ITIH1: variants seen among roughly 807,000 people sequenced by gnomAD.
ITIH1 encodes inter-alpha-trypsin inhibitor heavy chain 1.
In ITIH1, 94 loss-of-function variants were observed where a neutral mutation model predicts 104.6. The observed-to-expected ratio is 0.90, with a 90% CI of 0.76 to 1.07. The LOEUF (loss-of-function observed/expected upper bound fraction) is 1.07. ITIH1 is among the 50% of genes least tolerant of loss of function. ITIH1 has a pLI of 0.00. For synonymous variants in ITIH1, 455 were observed against 464.4 expected (o/e 0.98, Z 0.26); for missense variants, 1,193 against 1,181.4 (o/e 1.01, Z -0.14).
intron 16 of ITIH1, 111 bp from the exon 17 acceptor site, chr3:52,787,874 CT>C: frequency 9.1e-7 from 1 of 1,094,540 alleles, no homozygotes; most frequent in South Asian, 1.2e-5. Flanking sequence ...GACATCCCTG[CT>C]TGGTGGCCTC....
rs144262032 is a variant in ITIH1, at chr3:52,784,403, G to C, written c.1333G>C (p.Glu445Gln). Residue 445 changes from glutamate to glutamine, a missense_variant, in exon 11 of 22, where the codon GAG (glutamate) becomes CAG (glutamine). Coordinates refer to ENST00000273283, the MANE Select transcript of ITIH1 (RefSeq NM_002215.4). ...CCACAATGTGGACTTTAACTTTCTG[G>C]AGGTCATGTCCATGGAGAACAACGG... ...FGHNVDFNFL[E>Q]VMSMENNGRA... 4.9e-4 allele frequency: 796 copies of C among 1,614,048 alleles called. 1 individual carries two copies. The highest frequency in any genetic ancestry group is 6.5e-4 in the Non-Finnish European group (766 of 1,180,020).
chr3:52,783,599 G>T (rs1220154285), intron 10 of ITIH1, among the ~76,000 whole-genome samples: 1 of 152,198 alleles, frequency 6.6e-6, no homozygotes, highest in African/African-American at 2.4e-5. Flanking sequence ...AGATGGGCAA[G>T]ATTCCATGCT....
At chr3:52,784,704 G>A (rs1699155057) in intron 11 of ITIH1, among the ~76,000 whole-genome samples, 2 of 152,102 alleles carry the variant, frequency 1.3e-5, no homozygotes, top group Non-Finnish European at 2.9e-5. Flanking sequence ...GTGAAACCCC[G>A]TCTCTACTGA....
At chr3:52,780,221 A>G (rs766052108) in intron 5 of ITIH1, 48 bp from the exon 6 acceptor site, 1 of 1,454,554 alleles carries the variant, frequency 6.9e-7, no homozygotes, top group East Asian at 2.4e-5. Context: ...GCAACAAAGC[A>G]AGATCCCATC....
At position 52,786,381 on chromosome 3, in the gene ITIH1, C is replaced by T. The variant is rs772087200; in HGVS notation, c.1680C>T (p.Asn560=). 1.0e-5 allele frequency: 16 copies of T among 1,584,464 alleles called. No homozygotes were observed. The highest frequency in any genetic ancestry group is 1.4e-5 in the Non-Finnish European group (16 of 1,164,864). The change falls in exon 13 of 22, where the codon AAC becomes AAT. Residue 560 remains asparagine (N), a synonymous_variant. Coordinates refer to ENST00000273283, the MANE Select transcript of ITIH1 (RefSeq NM_002215.4). ...GAGAGCGTGGCCACATGCTGGAGAA[C>T]CACGTCGAGCGCCTCTGGGCCTACC... ...LLRERGHMLE[N]HVERLWAYLT...
In ITIH1 at chr3:52,782,171, C is replaced by T. The variant is rs1200425699; in HGVS notation, c.834C>T (p.Ala278=). The T allele has an allele frequency of 6.2e-7, 1 of 1,614,150 alleles. No individual in the cohort carries two copies. Among genetic ancestry groups the T allele is most frequent in the African/African-American group, 1.3e-5 (1 of 75,046 alleles). ...TTCAGGTGGCCAATAACCACTTTGC[C>T]CACTTCTTTGCCCCCCAAAACCTGA... ...CDLLVANNHF[A]HFFAPQNLTN... The change falls in exon 8 of 22, where the codon GCC becomes GCT. Residue 278 remains alanine, a synonymous_variant. Transcript: ENST00000273283.
At position 52,785,024 on chromosome 3, in the gene ITIH1, T is replaced by A. The variant is rs142436683; in HGVS notation, c.1408-20T>A. 1.9e-4 allele frequency: 311 copies of A among 1,613,322 alleles called. 3 individuals carry two copies. In the African/African-American group the frequency reaches 3.4e-3, roughly 18 times the overall value. The stretch of plus-strand genomic sequence containing the variant: ...AGCCCAGGGTGCTCAGCTCTAAGGC[T>A]GCAACCTCTATCCCTGCAGGGTTTC... On this transcript the variant is annotated intron_variant, in intron 11 of 21. Coordinates refer to ENST00000273283, the MANE Select transcript of ITIH1 (RefSeq NM_002215.4).
chr3:52,785,161 A>G lies in ITIH1; in HGVS notation c.1525A>G (p.Ile509Val). 2 of 1,614,092 alleles carry G rather than the reference A, an allele frequency of 1.2e-6. No individual in the cohort carries two copies. The highest frequency in any genetic ancestry group is 8.5e-7 in the Non-Finnish European group (1 of 1,180,014). ...HHKQYYEGSE[I>V]VVAGRIADNK... ...TAAACAGTACTACGAAGGCTCAGAG[A>G]TTGTGGTGGCCGGGCGCATTGCTGA... is the stretch of plus-strand genomic sequence containing the variant. The change falls in exon 12 of 22, where the codon ATT becomes GTT. Residue 509 changes from isoleucine (I) to valine (V), a missense_variant. Transcript: ENST00000273283.
In ITIH1 at chr3:52,779,039, C is replaced by T. The variant is rs775568221; in HGVS notation, c.403C>T (p.Leu135Phe). 5 of 1,610,974 alleles carry T rather than the reference C, an allele frequency of 3.1e-6. No homozygotes were observed. The South Asian group carries it at 5.5e-5, about 18-fold the overall frequency. The change falls in exon 4 of 22, where the codon CTT becomes TTT. Residue 135 changes from leucine (L) to phenylalanine (F), a missense_variant. Coordinates refer to ENST00000273283, the MANE Select transcript of ITIH1 (RefSeq NM_002215.4). This position sits in a 1 kb window ranked among gnomAD's most constrained non-coding sequence, Gnocchi z 4.4. ...KAAISGENAG[L>F]VRASGRTMEQ... ...AGCTATCTCAGGAGAGAATGCCGGC[C>T]TTGTCAGGTGAGTTCTGGGCCTGCT...
intron 10 of ITIH1, among the ~76,000 whole-genome samples, chr3:52,784,066 G>T (rs966215442): frequency 2.0e-5 from 3 of 152,202 alleles, no homozygotes; most frequent in African/African-American, 7.2e-5. Flanking sequence ...AGCAGAATCA[G>T]ACCTGCTGGT....
chr3:52,786,470 C>G, intron 13 of ITIH1, 36 bp downstream of exon 13: 2 of 1,551,612 alleles, frequency 1.3e-6, no homozygotes, highest in Admixed American at 1.9e-5. Context: ...TGGGCACTGC[C>G]CACCCCAGAG....
intron 19 of ITIH1, chr3:52,790,072 C>T (rs1354575945): frequency 2.9e-5 from 17 of 586,826 alleles, no homozygotes; most frequent in Middle Eastern, 4.6e-4. Flanking sequence ...GTGCTCCCAC[C>T]GCACCTTAGC....
intron 19 of ITIH1, chr3:52,790,262 T>G (rs1699318360): frequency 1.8e-5 from 5 of 272,622 alleles, no homozygotes. Flanking sequence ...CTTCCTTTAC[T>G]AATTCGTTCA....
rs956988563 is a variant in ITIH1, at chr3:52,786,240, G to C, written c.1594-55G>C. On this transcript the variant is annotated intron_variant, in intron 12 of 21. Transcript: ENST00000273283. The stretch of plus-strand genomic sequence containing the variant: ...GGGCCCCTCAGAGCCCCTAGCACCA[G>C]CCAGGGGCCGTGCTTATCATGGTGC... 7.1e-6 allele frequency: 11 copies of C among 1,539,720 alleles called. No individual in the cohort carries two copies. The African/African-American group carries it at 1.2e-4, about 17-fold the overall frequency.
rs747435947 is a variant in ITIH1 at position 52,791,762 on chromosome 3, G to A, written c.2607-20G>A. On this transcript the variant is annotated intron_variant, in intron 21 of 21. Coordinates refer to ENST00000273283, the MANE Select transcript of ITIH1 (RefSeq NM_002215.4). ...CCTACTGGTCCGAAGGGTGACCCCA[G>A]CTGACTTGTCTCTGCACAGGGGTTT... 1.9e-6 allele frequency: 3 copies of A among 1,608,862 alleles called. No individual in the cohort carries two copies. Among genetic ancestry groups the A allele is most frequent in the Non-Finnish European group, 8.5e-7 (1 of 1,177,000 alleles).
intron 10 of ITIH1, 26 bp downstream of exon 10, chr3:52,783,365 G>C: frequency 6.2e-7 from 1 of 1,610,944 alleles, no homozygotes; most frequent in Non-Finnish European, 8.5e-7. Context: ...GCTGCCTTGG[G>C]AGGTAGTGAT....
chr3:52,786,710 G>A (rs930452371), intron 13 of ITIH1, among the ~76,000 whole-genome samples: 2 of 152,172 alleles, frequency 1.3e-5, no homozygotes, highest in South Asian at 2.1e-4. Context: ...ACGTCTCTGC[G>A]TATCTCTGAG....
chr3:52,780,221 A>C (rs766052108), intron 5 of ITIH1, 48 bp from the exon 6 acceptor site: 1 of 1,454,554 alleles, frequency 6.9e-7, no homozygotes, highest in East Asian at 2.4e-5. Flanking sequence ...GCAACAAAGC[A>C]AGATCCCATC....
chr3:52,786,159 A>AC, intron 12 of ITIH1, 136 bp from the exon 13 acceptor site: 1 of 850,412 alleles, frequency 1.2e-6, no homozygotes, highest in South Asian at 1.8e-5. Flanking sequence ...GATGAGGCGA[A>AC]CAGGCTCAGG....
Sources: gnomAD v4.1 joint callset for allele counts (sites outside exome capture counted in the v4.1 genomes callset) on GRCh38, gnomAD v4.1.1 for gene constraint, Gnocchi (gnomAD v3.1) non-coding constraint, MANE v1.5 for transcripts, NCBI Gene and HGNC (gene_info 2026-07-23, HGNC 2026-07-21) for gene names.